The following CDK19 variants were observed in gnomAD, a reference collection of about 807,000 sequenced individuals.
The protein encoded by CDK19 is cyclin-dependent kinase 19.
Under a neutral mutation model 68.3 loss-of-function variants are expected in CDK19, and 20 were observed. The ratio of observed to expected loss-of-function variants is 0.29; its 90% CI spans 0.21 to 0.43. CDK19 has a LOEUF of 0.43. Ranked by LOEUF, CDK19 falls within the 20% of genes least tolerant of loss-of-function variation. CDK19 has a pLI of 1.00. For synonymous variants in CDK19, 221 were observed against 222.8 expected, an observed-to-expected ratio of 0.99 and a Z score of 0.07; for missense variants, 339 against 623.5, an observed-to-expected ratio of 0.54 and a Z score of 4.86.
At chr6:110,680,539 T>C (rs1356337117) in intron 2 of CDK19, among the ~76,000 whole-genome samples, 3 of 152,220 alleles carry the variant, frequency 2.0e-5, no homozygotes, top group African/African-American at 7.2e-5. Flanking sequence ...TACTGTTGTT[T>C]ACTGAAAGAA....
At chr6:110,633,157 T>C (rs1047797780) in intron 5 of CDK19, among the ~76,000 whole-genome samples, 12 of 152,098 alleles carry the variant, frequency 7.9e-5, no homozygotes, top group African/African-American at 2.9e-4. Context: ...AGGCAGAGGT[T>C]GCAGTGAGCC....
intron 1 of CDK19, among the ~76,000 whole-genome samples, chr6:110,769,084 G>C (rs1057059113): frequency 2.1e-5 from 3 of 146,294 alleles, no homozygotes; most frequent in Non-Finnish European, 4.5e-5. Context: ...GAACCCTGGA[G>C]GCAGAGGTTG....
chr6:110,713,040 T>C (rs1412281082), intron 2 of CDK19, among the ~76,000 whole-genome samples: 2 of 151,548 alleles, frequency 1.3e-5, no homozygotes, highest in Non-Finnish European at 2.9e-5. Context: ...CTACTAAAAA[T>C]ACAAAAATTA....
At position 110,679,173 on chromosome 6, in the gene CDK19, A is replaced by G. The variant is rs183747908; in HGVS notation, c.205-8632T>C. On this transcript the variant is annotated intron_variant, in intron 2 of 12. Transcript: ENST00000368911. ...AAAAATAAATTAAATTAAATTATCC[A>G]GGCATGGTGGTGCAGGCCTGTAGTC... is the stretch of plus-strand genomic sequence containing the variant. 1.1e-4 allele frequency among the ~76,000 whole-genome samples: 17 copies of G among 152,174 alleles called. 1 individual carries two copies. In the East Asian group the frequency reaches 3.1e-3, roughly 28 times the overall value.
chr6:110,641,821 C>A (rs566178150), intron 4 of CDK19, among the ~76,000 whole-genome samples: 4 of 152,012 alleles, frequency 2.6e-5, no homozygotes, highest in African/African-American at 9.7e-5. Context: ...GTGAGGATAA[C>A]TAAGATTTGG....
chr6:110,677,797 C>T (rs1239019931), intron 2 of CDK19, among the ~76,000 whole-genome samples: 1 of 152,098 alleles, frequency 6.6e-6, no homozygotes, highest in African/African-American at 2.4e-5. Flanking sequence ...CTCTCCCCTG[C>T]CCTCCTCCTG....
At chr6:110,704,337 T>G (rs960744404) in intron 2 of CDK19, among the ~76,000 whole-genome samples, 1 of 152,250 alleles carries the variant, frequency 6.6e-6, no homozygotes, top group Non-Finnish European at 1.5e-5. Flanking sequence ...CCTATCTTTT[T>G]TTAATTTCAT....
chr6:110,703,883 A>C (rs1199893441), intron 2 of CDK19, among the ~76,000 whole-genome samples: 2 of 152,334 alleles, frequency 1.3e-5, no homozygotes, highest in Non-Finnish European at 2.9e-5. Flanking sequence ...ATATATTTAG[A>C]ATAGTCCCAC....
chr6:110,653,732 A>T (rs907334830), intron 4 of CDK19, among the ~76,000 whole-genome samples: 1 of 152,216 alleles, frequency 6.6e-6, no homozygotes, highest in African/African-American at 2.4e-5. Context: ...ATTACTCAGA[A>T]GCTACTCCTG....
At chr6:110,693,888 A>G (rs954730529) in intron 2 of CDK19, among the ~76,000 whole-genome samples, 3 of 152,168 alleles carry the variant, frequency 2.0e-5, no homozygotes, top group Non-Finnish European at 4.4e-5. Flanking sequence ...ATATTTATCC[A>G]TAAATGAAGG....
chr6:110,740,201 G>A (rs999760738), intron 2 of CDK19, among the ~76,000 whole-genome samples: 4 of 152,048 alleles, frequency 2.6e-5, no homozygotes, highest in Non-Finnish European at 4.4e-5. Flanking sequence ...CTAATTTTAC[G>A]ACAAACATAT....
At position 110,614,320 on chromosome 6, in the gene CDK19, A is replaced by G; in HGVS notation, c.*215T>C. The G allele has an allele frequency of 2.4e-6, 1 of 425,450 alleles. No homozygotes were observed. The highest frequency in any genetic ancestry group is 3.3e-5 in the East Asian group (1 of 30,596). 26.4% of individuals were successfully genotyped at this position (425,450 alleles called of 1,614,324 possible). A position where few individuals can be genotyped will look rare whatever the true frequency, so the allele number is the denominator to read the frequency against. On this transcript the variant is annotated 3_prime_UTR_variant, in exon 13 of 13. Transcript: ENST00000368911. ...AGAGAAGTCACAATGGAACACATGCAGGGAAGGGGTGCTGGGGAAACTTCA... is the reference window on the plus strand; with the variant it reads ...AGAGAAGTCACAATGGAACACATGCGGGGAAGGGGTGCTGGGGAAACTTCA...
At chr6:110,646,020 C>G (rs779364709) in intron 4 of CDK19, 3 of 973,844 alleles carry the variant, frequency 3.1e-6, no homozygotes, top group African/African-American at 3.2e-5. Context: ...TGTGCGGTCG[C>G]GGGACCTGCG....
intron 2 of CDK19, among the ~76,000 whole-genome samples, chr6:110,736,236 G>T (rs970607114): frequency 2.6e-5 from 4 of 152,164 alleles, no homozygotes; most frequent in African/African-American, 9.7e-5. Context: ...AGCTACTCGG[G>T]AGGCTGAGAG....
At chr6:110,615,772 T>C (rs1778274162) in intron 12 of CDK19, among the ~76,000 whole-genome samples, 1 of 152,232 alleles carries the variant, frequency 6.6e-6, no homozygotes. Context: ...TCTGCTAAGA[T>C]GTAGGTGCAG....
At chr6:110,695,159 G>C (rs1376625359) in intron 2 of CDK19, among the ~76,000 whole-genome samples, 1 of 151,560 alleles carries the variant, frequency 6.6e-6, no homozygotes, top group Non-Finnish European at 1.5e-5. Context: ...AAGGAAAGAA[G>C]AAAGGAAAGG....
At chr6:110,759,758 T>C (rs976577294) in intron 1 of CDK19, among the ~76,000 whole-genome samples, 1 of 152,046 alleles carries the variant, frequency 6.6e-6, no homozygotes, top group Non-Finnish European at 1.5e-5. Context: ...CTTTTAAAAG[T>C]TTCCATATAA....
intron 2 of CDK19, among the ~76,000 whole-genome samples, chr6:110,690,677 G>A (rs1381569977): frequency 6.6e-6 from 1 of 152,064 alleles, no homozygotes; most frequent in East Asian, 1.9e-4. Context: ...AACCCTATAG[G>A]AGACAATGAA....
chr6:110,620,928 G>A (rs1045634833), intron 12 of CDK19, among the ~76,000 whole-genome samples, 176 bp downstream of exon 12: 3 of 152,106 alleles, frequency 2.0e-5, no homozygotes, highest in Admixed American at 6.5e-5. Context: ...GTCAGAATAC[G>A]AGATATCTTA....
Sources: allele counts gnomAD v4.1 joint callset (sites outside exome capture counted in the v4.1 genomes callset), GRCh38; gene constraint gnomAD v4.1.1; transcripts MANE v1.5; gene names NCBI Gene and HGNC (gene_info 2026-07-23, HGNC 2026-07-21).